PCDH15: variants seen among roughly 807,000 people sequenced by gnomAD.
PCDH15 encodes the protein protocadherin related 15.
Under a neutral mutation model 178.5 loss-of-function variants are expected in PCDH15, and 129 were observed. The ratio of observed to expected loss-of-function variants is 0.72; its 90% confidence interval spans 0.63 to 0.84. The LOEUF is 0.84. PCDH15 is among the 40% of genes least tolerant of loss of function. The probability of loss-of-function intolerance (pLI) is 0.00; values close to 1 mark genes in which losing one functional copy is unlikely to be tolerated. For synonymous variants in PCDH15, 800 were observed against 732.0 expected, an observed-to-expected ratio of 1.09 and a Z score of -1.50; for missense variants, 2,230 against 2,099.9, an observed-to-expected ratio of 1.06 and a Z score of -1.21.
rs2094398572 is a variant in PCDH15 at position 54,079,346 on chromosome 10, A to G, written c.2076T>C (p.Asp692=). 1 of 1,613,990 alleles carries G rather than the reference A, an allele frequency of 6.2e-7. No homozygotes were observed. The highest frequency in any genetic ancestry group is 1.3e-5 in the African/African-American group (1 of 74,932). ...GCATACTCACCCCATCTGGCCTGCCATCTGAAGCTGTGATGATCAGAATGT... is the reference window on the plus strand; with the variant it reads ...GCATACTCACCCCATCTGGCCTGCCGTCTGAAGCTGTGATGATCAGAATGT... The part of the protein sequence containing the change: ...DRYILIITAS[D]GRPDGTSTAT... The change falls in exon 17 of 38, where the codon GAT becomes GAC. Residue 692 remains aspartate, a synonymous_variant. Coordinates refer to ENST00000644397, the MANE Select transcript of PCDH15 (RefSeq NM_001384140.1).
chr10:54,827,899 C>T lies in PCDH15; in HGVS notation c.-29+69551G>A, dbSNP rs58707316. Among the ~76,000 whole-genome samples, 560 of 152,106 alleles carry T rather than the reference C, an allele frequency of 3.7e-3. 1 individual carries two copies. Among genetic ancestry groups the T allele is most frequent in the African/African-American group, 0.013 (538 of 41,524 alleles). ...TGAAATAAGTTTTTATATGAATCAA[C>T]AATATTTTCCCCACTAAACTTCTTT... On this transcript the variant is annotated intron_variant, in intron 3 of 5. Coordinates refer to the PCDH15 transcript ENST00000458638.
chr10:55,226,810 T>A (rs937591449), intron 1 of PCDH15, among the ~76,000 whole-genome samples: 1 of 151,888 alleles, frequency 6.6e-6, no homozygotes, highest in African/African-American at 2.4e-5. Context: ...ATTCAGACAA[T>A]TCAGTTGGGG....
At chr10:54,184,903 A>C (rs558587985) in intron 12 of PCDH15, among the ~76,000 whole-genome samples, 1 of 151,920 alleles carries the variant, frequency 6.6e-6, no homozygotes, top group East Asian at 1.9e-4. Flanking sequence ...TTTTTTTGAA[A>C]AGTTTTTTCT....
At chr10:54,466,073 T>C (rs1000280148) in intron 3 of PCDH15, among the ~76,000 whole-genome samples, 1 of 151,918 alleles carries the variant, frequency 6.6e-6, no homozygotes, top group African/African-American at 2.4e-5. Flanking sequence ...ATTTTAACAA[T>C]GTGTTGAGAT....
At chr10:54,177,631 A>G (rs2047563932) in intron 13 of PCDH15, among the ~76,000 whole-genome samples, 1 of 152,150 alleles carries the variant, frequency 6.6e-6, no homozygotes, top group Admixed American at 6.5e-5. Flanking sequence ...ATCTACAAAT[A>G]CATTCTAAAA....
intron 2 of PCDH15, among the ~76,000 whole-genome samples, chr10:55,012,780 G>T (rs1007224345): frequency 1.3e-5 from 2 of 151,928 alleles, no homozygotes; most frequent in Admixed American, 6.6e-5. Context: ...TGTCAGGACA[G>T]TGCAAGGCCC....
Position 55,140,212 on chromosome 10 carries a change from T to C in PCDH15, c.-80+26364A>G, listed in dbSNP as rs555506704. ...AGAGTTTCCATATAAATACATATCA[T>C]CTGCAAATAAGGATGGCTTATTGCA... On this transcript the variant is annotated intron_variant, in intron 2 of 5. Transcript: ENST00000458638. 2.6e-5 allele frequency among the ~76,000 whole-genome samples: 4 copies of C among 152,064 alleles called. No individual in the cohort carries two copies. The East Asian group carries it at 7.7e-4, about 29-fold the overall frequency.
At chr10:54,560,590 G>T (rs12251129) in intron 2 of PCDH15, among the ~76,000 whole-genome samples, 62,424 of 151,570 alleles carry the variant, frequency 0.41, 13,656 homozygotes, top group East Asian at 0.5. Context: ...CTTAAAATTT[G>T]CCCTTTCAAA....
intron 2 of PCDH15, among the ~76,000 whole-genome samples, chr10:55,551,114 T>C (rs886439089): frequency 7.9e-5 from 12 of 152,170 alleles, no homozygotes; most frequent in African/African-American, 2.6e-4. Context: ...CCACAGGTGA[T>C]TGTTAATACA....
intron 18 of PCDH15, among the ~76,000 whole-genome samples, chr10:54,051,824 G>T (rs2093781686): frequency 6.6e-6 from 1 of 151,978 alleles, no homozygotes; most frequent in Admixed American, 6.6e-5. Flanking sequence ...GACTAGGAGA[G>T]AAATGGTTTT....
chr10:55,072,129 C>T (rs529924170), intron 2 of PCDH15, among the ~76,000 whole-genome samples: 57 of 151,890 alleles, frequency 3.8e-4, no homozygotes, highest in African/African-American at 1.4e-3. Flanking sequence ...GCACTAAATG[C>T]CCACAAGAGA....
chr10:54,939,077 G>C (rs1286911476), intron 2 of PCDH15, among the ~76,000 whole-genome samples: 1 of 152,090 alleles, frequency 6.6e-6, no homozygotes, highest in Non-Finnish European at 1.5e-5. Context: ...TTAAGTCACT[G>C]AATTTTTGGT....
chr10:54,857,320 A>G (rs1307310734), intron 3 of PCDH15, among the ~76,000 whole-genome samples: 1 of 152,244 alleles, frequency 6.6e-6, no homozygotes, highest in Non-Finnish European at 1.5e-5. Flanking sequence ...AATCTCAAAA[A>G]TGTGACAGGA....
At chr10:54,566,766 T>G (rs748064113) in intron 2 of PCDH15, among the ~76,000 whole-genome samples, 1 of 152,156 alleles carries the variant, frequency 6.6e-6, no homozygotes, top group Non-Finnish European at 1.5e-5. Context: ...GGTTGTTCCC[T>G]CCCAAGTTTT....
intron 2 of PCDH15, among the ~76,000 whole-genome samples, chr10:55,354,918 T>C (rs11004824): frequency 0.54 from 82,631 of 151,780 alleles, 22,957 homozygotes; most frequent in African/African-American, 0.64. Flanking sequence ...CTTTCTCCCA[T>C]CCTTACACTC....
intron 2 of PCDH15, among the ~76,000 whole-genome samples, chr10:54,974,567 A>C (rs1839019050): frequency 6.6e-6 from 1 of 151,942 alleles, no homozygotes; most frequent in African/African-American, 2.4e-5. Context: ...GCAATGCATA[A>C]AAAATATTTC....
At chr10:54,548,932 T>C (rs2086201597) in intron 2 of PCDH15, among the ~76,000 whole-genome samples, 1 of 148,666 alleles carries the variant, frequency 6.7e-6, no homozygotes, top group Non-Finnish European at 1.5e-5. Context: ...TGTCGCTATG[T>C]ATAGTTAATG....
chr10:54,174,251 G>C (rs776038082), intron 13 of PCDH15, among the ~76,000 whole-genome samples: 6 of 152,098 alleles, frequency 3.9e-5, no homozygotes, highest in African/African-American at 7.2e-5. Context: ...GAAAAATTAA[G>C]GCCGGGCGTG....
chr10:54,899,296 A>T (rs1331928948), intron 2 of PCDH15, among the ~76,000 whole-genome samples: 1 of 152,118 alleles, frequency 6.6e-6, no homozygotes, highest in African/African-American at 2.4e-5. Context: ...TTAATATTTC[A>T]AATTTTATTA....
Sources: gnomAD v4.1 joint callset for allele counts (sites outside exome capture counted in the v4.1 genomes callset) on GRCh38, gnomAD v4.1.1 for gene constraint, MANE v1.5 for transcripts, NCBI Gene and HGNC (gene_info 2026-07-23, HGNC 2026-07-21) for gene names.